The following CHST11 variants were observed in gnomAD, a reference collection of about 807,000 sequenced individuals.
CHST11 encodes carbohydrate sulfotransferase 11.
A neutral mutation model predicts 30.4 loss-of-function variants in CHST11; 9 were observed. That is an observed-to-expected ratio of 0.30 (90% CI 0.18 to 0.52). CHST11 has a LOEUF of 0.52. Among genes scored for constraint, CHST11 ranks in the 20% least tolerant of loss-of-function variants. CHST11 has a pLI of 0.97. For synonymous variants in CHST11, 152 were observed against 187.8 expected (o/e 0.81, Z 1.56); for missense variants, 348 against 460.6 (o/e 0.76, Z 2.24).
At chr12:104,538,784 G>A (rs1274477366) in intron 1 of CHST11, among the ~76,000 whole-genome samples, 1 of 152,208 alleles carries the variant, frequency 6.6e-6, no homozygotes, top group Non-Finnish European at 1.5e-5. Context: ...ATCTGGCAGT[G>A]AGAAACAGAA....
intron 1 of CHST11, among the ~76,000 whole-genome samples, chr12:104,508,754 T>C (rs138869876): frequency 4.5e-4 from 68 of 152,326 alleles, no homozygotes; most frequent in Non-Finnish European, 8.4e-4. Flanking sequence ...GAGGTAATTA[T>C]CTCTTGTGAT....
chr12:104,484,104 T>A (rs776444147), intron 1 of CHST11, among the ~76,000 whole-genome samples: 1 of 152,218 alleles, frequency 6.6e-6, no homozygotes. Context: ...TGAGATTAGA[T>A]GGCATCATGG....
At chr12:104,712,993 C>A (rs889042405) in intron 2 of CHST11, among the ~76,000 whole-genome samples, 2 of 151,998 alleles carry the variant, frequency 1.3e-5, no homozygotes, top group Middle Eastern at 3.2e-3. Context: ...CCAGGACCCC[C>A]GAGATAAATA....
intron 2 of CHST11, among the ~76,000 whole-genome samples, chr12:104,604,211 G>GA (rs1303230499): frequency 6.6e-6 from 1 of 152,164 alleles, no homozygotes; most frequent in Non-Finnish European, 1.5e-5. Flanking sequence ...GCATTGTCTG[G>GA]ATGACAGGCC....
In CHST11 at chr12:104,721,397, C is replaced by T. The variant is rs1038324079; in HGVS notation, c.205-35552C>T. ...ATGGGTCCAGGGCCCCACTGGCTCA[C>T]TGTCTCTGACCGTCTGTGCCACCTT... On this transcript the variant is annotated intron_variant, in intron 2 of 2. Coordinates refer to ENST00000303694, the MANE Select transcript of CHST11 (RefSeq NM_018413.6). Among the ~76,000 whole-genome samples the T allele has an allele frequency of 5.9e-5, 9 of 152,370 alleles. 1 individual carries two copies. The highest frequency in any genetic ancestry group is 1.9e-4 in the East Asian group (1 of 5,194).
chr12:104,457,362 C>A lies in CHST11; in HGVS notation c.-50C>A. 1 of 1,423,480 alleles carries A rather than the reference C, an allele frequency of 7.0e-7. No homozygotes were observed. The highest frequency in any genetic ancestry group is 9.9e-7 in the Non-Finnish European group (1 of 1,015,072). The allele number at this position is 1,423,480 out of a possible 1,614,324, so 88.2% of individuals were successfully genotyped here. ...GCGCGGCGGGGTCCCTGCTCCTGCG[C>A]CCCGGGCGCGCTTCCCGGACACCCC... On this transcript the variant is annotated 5_prime_UTR_variant, in exon 1 of 3. Coordinates refer to ENST00000303694, the MANE Select transcript of CHST11 (RefSeq NM_018413.6).
chr12:104,683,725 T>C (rs2039818929), intron 2 of CHST11, among the ~76,000 whole-genome samples: 1 of 152,212 alleles, frequency 6.6e-6, no homozygotes, highest in African/African-American at 2.4e-5. Context: ...TTGAATTGTA[T>C]CAATTGTTAC....
intron 2 of CHST11, among the ~76,000 whole-genome samples, chr12:104,685,927 G>A (rs543316791): frequency 5.3e-5 from 8 of 152,024 alleles, no homozygotes; most frequent in East Asian, 1.9e-4. Flanking sequence ...CCAGAAATTC[G>A]TGCAAAACAT....
intron 2 of CHST11, among the ~76,000 whole-genome samples, chr12:104,673,015 C>G (rs780791546): frequency 6.6e-6 from 1 of 152,224 alleles, no homozygotes; most frequent in Non-Finnish European, 1.5e-5. Context: ...CAAAGCTGTA[C>G]TCCCTCTGGA....
intron 1 of CHST11, among the ~76,000 whole-genome samples, chr12:104,482,053 G>A (rs1297563959): frequency 2.0e-5 from 3 of 151,886 alleles, no homozygotes; most frequent in Admixed American, 1.3e-4. Flanking sequence ...GTTTCACCAT[G>A]TTGGCCAGGC....
Position 104,520,631 on chromosome 12 carries a change from C to G in CHST11, c.118+63102C>G, listed in dbSNP as rs185402959. Among the ~76,000 whole-genome samples the G allele has an allele frequency of 5.9e-5, 9 of 152,334 alleles. No individual in the cohort carries two copies. In the East Asian group the frequency reaches 1.5e-3, roughly 26 times the overall value. ...TAATTTTGTTCACTCATAGGATCTT[C>G]TTCCTGGGGCATGATCCTAGCCATG... On this transcript the variant is annotated intron_variant, in intron 1 of 2. Coordinates refer to ENST00000303694, the MANE Select transcript of CHST11 (RefSeq NM_018413.6).
At chr12:104,707,949 CACAT>C (rs766103266) in intron 2 of CHST11, among the ~76,000 whole-genome samples, 1 of 152,252 alleles carries the variant, frequency 6.6e-6, no homozygotes, top group Non-Finnish European at 1.5e-5. Flanking sequence ...CAGATACAAA[CACAT>C]ACAGACTCAT....
At chr12:104,561,230 C>G (rs1565987471) in intron 1 of CHST11, among the ~76,000 whole-genome samples, 1 of 152,244 alleles carries the variant, frequency 6.6e-6, no homozygotes, top group Non-Finnish European at 1.5e-5. Flanking sequence ...ACAGTCCTGA[C>G]ATGGCCTGAT....
intron 1 of CHST11, among the ~76,000 whole-genome samples, chr12:104,589,793 T>G (rs1007296990): frequency 2.0e-5 from 3 of 152,194 alleles, no homozygotes; most frequent in African/African-American, 7.2e-5. Flanking sequence ...GCGGATCACC[T>G]GAGGTCAGGA....
chr12:104,660,650 T>A (rs1292627284), intron 2 of CHST11, among the ~76,000 whole-genome samples: 3 of 152,144 alleles, frequency 2.0e-5, no homozygotes, highest in Non-Finnish European at 2.9e-5. Flanking sequence ...CTTGTGAAGA[T>A]AGAAGTGTAC....
intron 1 of CHST11, among the ~76,000 whole-genome samples, chr12:104,476,235 GC>G (rs2037560979): frequency 2.1e-5 from 3 of 143,286 alleles, no homozygotes; most frequent in Non-Finnish European, 4.6e-5. Flanking sequence ...ATATGTAATA[GC>G]ATATGTTACA....
chr12:104,494,716 G>A (rs1882492), intron 1 of CHST11, among the ~76,000 whole-genome samples: 97,911 of 151,994 alleles, frequency 0.64, 33,065 homozygotes, highest in African/African-American at 0.84. Flanking sequence ...TGATTGACTC[G>A]GAGGCATCTA....
chr12:104,623,534 A>G (rs1437179640), intron 2 of CHST11, among the ~76,000 whole-genome samples: 1 of 152,168 alleles, frequency 6.6e-6, no homozygotes, highest in Non-Finnish European at 1.5e-5. Flanking sequence ...AACATGGAGA[A>G]ACCCCGTCTC....
At chr12:104,591,051 A>G (rs1411693897) in intron 1 of CHST11, among the ~76,000 whole-genome samples, 1 of 152,206 alleles carries the variant, frequency 6.6e-6, no homozygotes, top group Admixed American at 6.5e-5. Flanking sequence ...AGAGTAAAGA[A>G]GAGAACAGTT....
Sources: allele counts gnomAD v4.1 joint callset (sites outside exome capture counted in the v4.1 genomes callset), GRCh38; gene constraint gnomAD v4.1.1; transcripts MANE v1.5; gene names NCBI Gene and HGNC (gene_info 2026-07-23, HGNC 2026-07-21).